The following ATXN1 variants were observed in gnomAD, a reference collection of about 807,000 sequenced individuals.
ATXN1 encodes the protein ataxin-1.
In ATXN1, 8 loss-of-function variants were observed where a neutral mutation model predicts 56.4. The ratio of observed to expected loss-of-function variants is 0.14; its 90% CI spans 0.08 to 0.26. The LOEUF is 0.26. Among genes scored for constraint, ATXN1 ranks in the 10% least tolerant of loss-of-function variants. The pLI is 1.00. For synonymous variants in ATXN1, 514 were observed against 494.6 expected (o/e 1.04, Z -0.52); for missense variants, 987 against 1,106.5 (o/e 0.89, Z 1.53).
rs76390822 is a variant in ATXN1 at position 16,425,011 on chromosome 6, T to C, written c.-161+60961A>G. Among the ~76,000 whole-genome samples the C allele has an allele frequency of 4.3e-3, 648 of 152,348 alleles. 3 individuals carry two copies. The highest frequency in any genetic ancestry group is 7.9e-3 in the Non-Finnish European group (535 of 68,028). ...CAGTTTCTGGTACCTTTGCAGACTA[T>C]TCCCTAACATGCCCTTTACACATAA... On this transcript the variant is annotated intron_variant, in intron 6 of 7. Transcript: ENST00000436367.
At chr6:16,443,887 A>T (rs894913379) in intron 6 of ATXN1, among the ~76,000 whole-genome samples, 45 of 152,212 alleles carry the variant, frequency 3.0e-4, no homozygotes, top group African/African-American at 1.0e-3. Flanking sequence ...GAGGCCAAGG[A>T]GGGCCGATCA....
chr6:16,751,714 G>T (rs1760724639), intron 2 of ATXN1, among the ~76,000 whole-genome samples: 1 of 152,168 alleles, frequency 6.6e-6, no homozygotes, highest in Non-Finnish European at 1.5e-5. Flanking sequence ...CTACAGGGTG[G>T]GTCCAAAGAC....
At chr6:16,666,763 CA>C (rs1228549473) in intron 2 of ATXN1, 1 of 152,108 alleles carries the variant, frequency 6.6e-6, no homozygotes, top group Non-Finnish European at 1.5e-5. Context: ...CTCGGTCTCC[CA>C]AAGTGCTGGC....
chr6:16,304,126 A>C lies in ATXN1; in HGVS notation c.*2203T>G, dbSNP rs1225375061. 1 of 152,472 alleles carries C rather than the reference A, an allele frequency of 6.6e-6. No homozygotes were observed. The highest frequency in any genetic ancestry group is 1.5e-5 in the Non-Finnish European group (1 of 68,034). The allele number at this position is 152,472 out of a possible 1,614,324, so 9.4% of individuals were successfully genotyped here. A position where few individuals can be genotyped will look rare whatever the true frequency, so the allele number is the denominator to read the frequency against. On this transcript the variant is annotated 3_prime_UTR_variant, in exon 8 of 8. Coordinates refer to ENST00000436367, the MANE Select transcript of ATXN1 (RefSeq NM_001128164.2). Reference sequence around the variant, plus strand: ...AAATCATTAGTCCTGGTGAACCCTAAATGTAAATGAATACTAGACAGCCAA... The same window carrying C: ...AAATCATTAGTCCTGGTGAACCCTACATGTAAATGAATACTAGACAGCCAA...
intron 6 of ATXN1, among the ~76,000 whole-genome samples, chr6:16,467,040 G>C (rs1760122518): frequency 6.6e-6 from 1 of 152,150 alleles, no homozygotes; most frequent in South Asian, 2.1e-4. Context: ...GCCACATCCT[G>C]ATGCACAAGG....
chr6:16,495,057 G>A (rs1581800528), intron 5 of ATXN1, among the ~76,000 whole-genome samples: 1 of 152,284 alleles, frequency 6.6e-6, no homozygotes, highest in East Asian at 1.9e-4. Context: ...GAAGTGCTTG[G>A]TGAAAATGGG....
intron 6 of ATXN1, among the ~76,000 whole-genome samples, chr6:16,394,870 A>G: frequency 6.6e-6 from 1 of 152,174 alleles, no homozygotes; most frequent in South Asian, 2.1e-4. Flanking sequence ...TTGCTAATTC[A>G]TGGTATAACT....
intron 4 of ATXN1, among the ~76,000 whole-genome samples, chr6:16,552,358 T>TC (rs1464705997): frequency 6.6e-6 from 1 of 152,290 alleles, no homozygotes; most frequent in South Asian, 2.1e-4. Flanking sequence ...GGTGAAGAAC[T>TC]CCAAGATACT....
At chr6:16,414,928 C>A (rs1428398296) in intron 6 of ATXN1, among the ~76,000 whole-genome samples, 1 of 152,118 alleles carries the variant, frequency 6.6e-6, no homozygotes, top group Non-Finnish European at 1.5e-5. Flanking sequence ...GCACAATGGA[C>A]TAAAAGTTGA....
At chr6:16,387,217 G>A (rs1294082865) in intron 6 of ATXN1, among the ~76,000 whole-genome samples, 3 of 152,110 alleles carry the variant, frequency 2.0e-5, no homozygotes, top group Non-Finnish European at 4.4e-5. Flanking sequence ...AACTAACCAT[G>A]AGAACCCGGA....
In ATXN1 at chr6:16,432,212, C is replaced by T. The variant is rs539681057; in HGVS notation, c.-161+53760G>A. Among the ~76,000 whole-genome samples the T allele has an allele frequency of 3.5e-4, 54 of 152,280 alleles. 1 individual carries two copies. The South Asian group carries it at 9.7e-3, about 27-fold the overall frequency. ...ATTTTGCTCAGTGGTTCTGAGAAACCGCATGGAAAATCACAATGTTACACT... is the reference window on the plus strand; with the variant it reads ...ATTTTGCTCAGTGGTTCTGAGAAACTGCATGGAAAATCACAATGTTACACT... On this transcript the variant is annotated intron_variant, in intron 6 of 7. Transcript: ENST00000436367.
intron 7 of ATXN1, among the ~76,000 whole-genome samples, chr6:16,311,247 G>A (rs1760383228): frequency 6.6e-6 from 1 of 152,214 alleles, no homozygotes; most frequent in African/African-American, 2.4e-5. Flanking sequence ...AATAGTCACA[G>A]AGAGATTAAG....
chr6:16,388,455 C>G (rs1758285213), intron 6 of ATXN1, among the ~76,000 whole-genome samples: 1 of 152,162 alleles, frequency 6.6e-6, no homozygotes, highest in African/African-American at 2.4e-5. Context: ...ATGGACTCTC[C>G]TAAGACCCGG....
rs142009486 is a variant in ATXN1 at position 16,554,745 on chromosome 6, C to T, written c.-361+31035G>A. ...CTGGGATTACAGGCACATGCCACCA[C>T]GCCCGGCTAATTTTTTTGTATTTTT... On this transcript the variant is annotated intron_variant, in intron 4 of 7. Coordinates refer to ENST00000436367, the MANE Select transcript of ATXN1 (RefSeq NM_001128164.2). 6.6e-4 allele frequency among the ~76,000 whole-genome samples: 100 copies of T among 152,010 alleles called. No homozygotes were observed. The South Asian group carries it at 0.015, about 23-fold the overall frequency.
At chr6:16,527,311 G>A (rs757319282) in intron 4 of ATXN1, among the ~76,000 whole-genome samples, 3 of 152,024 alleles carry the variant, frequency 2.0e-5, no homozygotes, top group Non-Finnish European at 4.4e-5. Flanking sequence ...TGTGGAAATC[G>A]TGTCTCCAGC....
At chr6:16,530,424 T>C (rs1247198191) in intron 4 of ATXN1, among the ~76,000 whole-genome samples, 1 of 152,190 alleles carries the variant, frequency 6.6e-6, no homozygotes, top group Non-Finnish European at 1.5e-5. Context: ...AAAAAGTTAG[T>C]GAAGCAGTAC....
chr6:16,625,530 G>A (rs1034320699), intron 3 of ATXN1, among the ~76,000 whole-genome samples: 2 of 152,080 alleles, frequency 1.3e-5, no homozygotes, highest in Non-Finnish European at 2.9e-5. Flanking sequence ...CATTTATCAT[G>A]CACAGAGAGC....
At chr6:16,416,629 T>A (rs1758914579) in intron 6 of ATXN1, among the ~76,000 whole-genome samples, 1 of 152,238 alleles carries the variant, frequency 6.6e-6, no homozygotes, top group South Asian at 2.1e-4. Context: ...CATAGGGAGA[T>A]GTTTCCTAAA....
At chr6:16,549,582 C>G (rs73724896) in intron 4 of ATXN1, among the ~76,000 whole-genome samples, 1 of 152,284 alleles carries the variant, frequency 6.6e-6, no homozygotes, top group Non-Finnish European at 1.5e-5. Flanking sequence ...TTGTCCACTA[C>G]TGCTTAAAGG....
Sources: gnomAD v4.1 joint callset for allele counts (sites outside exome capture counted in the v4.1 genomes callset) on GRCh38, gnomAD v4.1.1 for gene constraint, MANE v1.5 for transcripts, NCBI Gene and HGNC (gene_info 2026-07-23, HGNC 2026-07-21) for gene names.